The following APBB2 variants were observed in gnomAD, a reference collection of about 807,000 sequenced individuals.
The protein encoded by APBB2 is amyloid beta precursor protein binding family B member 2.
A neutral mutation model predicts 82.5 loss-of-function variants in APBB2; 38 were observed. The observed-to-expected ratio is 0.46, with a 90% confidence interval of 0.36 to 0.60. APBB2 has a LOEUF of 0.60. APBB2 is among the 20% of genes least tolerant of loss of function. The pLI is 0.00. For missense variants in APBB2, 772 were observed against 972.3 expected, an observed-to-expected ratio of 0.79 and a Z score of 2.74; for synonymous variants, 341 against 368.2, an observed-to-expected ratio of 0.93 and a Z score of 0.85.
At chr4:41,160,405 C>CTAATT (rs1412963541) in intron 1 of APBB2, among the ~76,000 whole-genome samples, 1 of 152,154 alleles carries the variant, frequency 6.6e-6, no homozygotes, top group African/African-American at 2.4e-5. Context: ...AAACCAGACG[C>CTAATT]AGGGAAATTT....
chr4:40,991,768 C>T (rs551873124), intron 6 of APBB2, among the ~76,000 whole-genome samples: 4 of 152,134 alleles, frequency 2.6e-5, no homozygotes, highest in South Asian at 2.1e-4. Context: ...CACCATCTTC[C>T]TTGGTTTTCT....
At chr4:41,126,151 C>CG (rs1305224919) in intron 2 of APBB2, among the ~76,000 whole-genome samples, 1 of 149,174 alleles carries the variant, frequency 6.7e-6, no homozygotes, top group African/African-American at 2.5e-5. Flanking sequence ...AGGCAGAGAC[C>CG]GGGGGAATGC....
chr4:40,956,475 A>G (rs1005076128), intron 6 of APBB2, among the ~76,000 whole-genome samples: 3 of 152,222 alleles, frequency 2.0e-5, no homozygotes, highest in Non-Finnish European at 4.4e-5. Flanking sequence ...CTGCCTGAAG[A>G]GTTTCAAGGC....
chr4:40,858,449 C>CCT (rs1761966826), intron 12 of APBB2, among the ~76,000 whole-genome samples: 1 of 75,034 alleles, frequency 1.3e-5, no homozygotes, highest in South Asian at 4.2e-4. Context: ...AGTGAGAGTC[C>CCT]GTCTCAAAAA....
intron 5 of APBB2, among the ~76,000 whole-genome samples, chr4:41,032,787 T>TC (rs1423305450): frequency 7.8e-5 from 9 of 115,478 alleles, no homozygotes; most frequent in African/African-American, 3.4e-4. Flanking sequence ...TCTTTTTTTT[T>TC]TTTTTTTTTT....
chr4:41,073,610 C>T (rs1734627604), intron 3 of APBB2, among the ~76,000 whole-genome samples: 1 of 152,218 alleles, frequency 6.6e-6, no homozygotes, highest in Non-Finnish European at 1.5e-5. Flanking sequence ...AGTCAGACCA[C>T]ATACAGTATA....
intron 3 of APBB2, among the ~76,000 whole-genome samples, chr4:41,085,423 T>G (rs1739309666): frequency 6.6e-6 from 1 of 152,160 alleles, no homozygotes; most frequent in South Asian, 2.1e-4. Flanking sequence ...GAATTAAAAT[T>G]TGAAATTTTC....
rs546512521 is a variant in APBB2 at position 40,882,773 on chromosome 4, C to T, written c.1529+7591G>A. ...GGACAGCTGCTTAATGACACTAGTA[C>T]GGGAAGCAACAGGCCGTGGGGGTGA... On this transcript the variant is annotated intron_variant, in intron 12 of 17. Transcript: ENST00000508593. Among the ~76,000 whole-genome samples, 27 of 152,232 alleles carry T rather than the reference C, an allele frequency of 1.8e-4. No homozygotes were observed. The East Asian group carries it at 4.0e-3, about 23-fold the overall frequency.
chr4:40,844,601 C>A (rs975351080), intron 12 of APBB2, among the ~76,000 whole-genome samples: 66 of 152,274 alleles, frequency 4.3e-4, no homozygotes, highest in African/African-American at 1.5e-3. Flanking sequence ...TGGAGAGTCA[C>A]CCCTTGGCTC....
chr4:40,958,071 A>ACT (rs1446772887), intron 6 of APBB2, among the ~76,000 whole-genome samples: 4 of 152,122 alleles, frequency 2.6e-5, no homozygotes, highest in African/African-American at 9.7e-5. Context: ...CTAGAAGGAA[A>ACT]CTCTGTATTT....
At chr4:40,934,964 G>C (rs551099494) in intron 8 of APBB2, 113 bp downstream of exon 8, 1 of 935,758 alleles carries the variant, frequency 1.1e-6, no homozygotes, top group Non-Finnish European at 1.6e-6. Flanking sequence ...CAAGAAGCCC[G>C]ATCACTGTGT....
intron 6 of APBB2, among the ~76,000 whole-genome samples, chr4:40,951,293 TA>T (rs1354310790): frequency 2.0e-5 from 3 of 151,702 alleles, no homozygotes; most frequent in African/African-American, 7.3e-5. Context: ...TTTGCACAAT[TA>T]AAAAAAAATA....
intron 2 of APBB2, among the ~76,000 whole-genome samples, chr4:41,141,663 G>T (rs1364759088): frequency 6.6e-6 from 1 of 152,188 alleles, no homozygotes; most frequent in Non-Finnish European, 1.5e-5. Context: ...AAAGAAAGAG[G>T]TTTAATGGAC....
chr4:40,841,669 A>ATTATTTAT (rs556036924), intron 12 of APBB2, among the ~76,000 whole-genome samples: 3 of 151,994 alleles, frequency 2.0e-5, no homozygotes, highest in Middle Eastern at 3.4e-3. Context: ...AAGCACTAAT[A>ATTATTTAT]TTATTTATTT....
intron 6 of APBB2, among the ~76,000 whole-genome samples, chr4:40,950,922 A>G (rs1408140661): frequency 6.6e-6 from 1 of 152,240 alleles, no homozygotes; most frequent in African/African-American, 2.4e-5. Context: ...ATGAACAAAA[A>G]TGAGCTATAC....
chr4:41,038,762 C>G (rs1720238432), intron 4 of APBB2, among the ~76,000 whole-genome samples: 1 of 152,138 alleles, frequency 6.6e-6, no homozygotes, highest in South Asian at 2.1e-4. Flanking sequence ...AAGTGATATT[C>G]ACAGATAATA....
intron 1 of APBB2, among the ~76,000 whole-genome samples, chr4:41,154,940 C>T (rs1469940667): frequency 6.6e-6 from 1 of 152,174 alleles, no homozygotes; most frequent in African/African-American, 2.4e-5. Flanking sequence ...AGACGGGGCA[C>T]CCTAGGGCCT....
intron 1 of APBB2, among the ~76,000 whole-genome samples, chr4:41,150,423 A>G (rs191777934): frequency 1.3e-5 from 2 of 152,210 alleles, no homozygotes; most frequent in East Asian, 1.9e-4. Flanking sequence ...AAGAAGCTGG[A>G]AACAGTGAAG....
At chr4:40,875,153 G>C (rs1766565578) in intron 12 of APBB2, among the ~76,000 whole-genome samples, 1 of 152,172 alleles carries the variant, frequency 6.6e-6, no homozygotes, top group Non-Finnish European at 1.5e-5. Flanking sequence ...TGAGCAGCAG[G>C]GAACATGTCA....
Sources: gnomAD v4.1 joint callset for allele counts (sites outside exome capture counted in the v4.1 genomes callset) on GRCh38, gnomAD v4.1.1 for gene constraint, MANE v1.5 for transcripts, NCBI Gene and HGNC (gene_info 2026-07-23, HGNC 2026-07-21) for gene names.